KIAA1328: variants seen among roughly 807,000 people sequenced by gnomAD.
KIAA1328 encodes KIAA1328, also known as protein hinderin.
Under a neutral mutation model 68.1 loss-of-function variants are expected in KIAA1328, and 52 were observed. The observed-to-expected ratio is 0.76, with a 90% confidence interval of 0.61 to 0.96. The LOEUF (loss-of-function observed/expected upper bound fraction) is 0.96. Ranked by LOEUF, KIAA1328 falls within the 40% of genes least tolerant of loss-of-function variation. The probability of loss-of-function intolerance (pLI) is 0.00; values close to 1 mark genes in which losing one functional copy is unlikely to be tolerated. For missense variants in KIAA1328, 641 were observed against 677.6 expected, an observed-to-expected ratio of 0.95 and a Z score of 0.60; for synonymous variants, 232 against 239.4, an observed-to-expected ratio of 0.97 and a Z score of 0.28.
chr18:36,905,973 TTA>T (rs2049206626), intron 5 of KIAA1328, among the ~76,000 whole-genome samples: 1 of 152,182 alleles, frequency 6.6e-6, no homozygotes, highest in Non-Finnish European at 1.5e-5. Flanking sequence ...CAGTATAGGT[TTA>T]TAGTGATTTT....
chr18:37,184,257 T>C (rs2059751968), intron 9 of KIAA1328, among the ~76,000 whole-genome samples: 1 of 152,214 alleles, frequency 6.6e-6, no homozygotes, highest in African/African-American at 2.4e-5. Context: ...TTCCTTGTAT[T>C]TTCTCCTATT....
rs199672374 is a variant in KIAA1328 at position 36,840,458 on chromosome 18, ATTTTTT to A, written c.238-3738_238-3733del. On this transcript the variant is annotated intron_variant, in intron 3 of 9. Coordinates refer to ENST00000280020, the MANE Select transcript of KIAA1328 (RefSeq NM_020776.3). ...TTTCCATTGAAGAGCATGTCTTGTG[ATTTTTT>A]TTTTTTTTTTTGACAGAGTCTGGCT... 3.7e-3 allele frequency among the ~76,000 whole-genome samples: 488 copies of A among 133,256 alleles called. 2 individuals carry two copies. The highest frequency in any genetic ancestry group is 0.019 in the Middle Eastern group (5 of 260). The allele number at this position is 133,256 out of a possible 152,430, so 87.4% of individuals were successfully genotyped here. A position where few individuals can be genotyped will look rare whatever the true frequency, so the allele number is the denominator to read the frequency against.
At chr18:36,839,728 G>A (rs2046796209) in intron 3 of KIAA1328, among the ~76,000 whole-genome samples, 1 of 152,164 alleles carries the variant, frequency 6.6e-6, no homozygotes, top group African/African-American at 2.4e-5. Flanking sequence ...AGCTTTTAAA[G>A]GTGGTGCCAG....
intron 6 of KIAA1328, among the ~76,000 whole-genome samples, chr18:36,990,400 C>T (rs1394040366): frequency 6.6e-6 from 1 of 151,874 alleles, no homozygotes; most frequent in Non-Finnish European, 1.5e-5. Context: ...TTGAGCCAGG[C>T]ATGGTGGCTC....
chr18:36,947,740 C>T (rs962762453), intron 5 of KIAA1328, among the ~76,000 whole-genome samples: 2 of 152,124 alleles, frequency 1.3e-5, no homozygotes, highest in African/African-American at 2.4e-5. Flanking sequence ...GGAGGATTCT[C>T]AACATAATGT....
intron 6 of KIAA1328, among the ~76,000 whole-genome samples, chr18:37,062,661 T>G (rs2056197069): frequency 6.6e-6 from 1 of 152,152 alleles, no homozygotes; most frequent in Admixed American, 6.5e-5. Context: ...TTCACCGTGT[T>G]AACCAGGATG....
At chr18:37,033,584 G>A (rs1245699394) in intron 6 of KIAA1328, among the ~76,000 whole-genome samples, 2 of 152,156 alleles carry the variant, frequency 1.3e-5, no homozygotes, top group Admixed American at 1.3e-4. Flanking sequence ...TGACTTCTGG[G>A]AAGTGTTTCA....
chr18:36,976,884 G>A (rs940841370), intron 6 of KIAA1328, among the ~76,000 whole-genome samples: 1 of 152,090 alleles, frequency 6.6e-6, no homozygotes, highest in Non-Finnish European at 1.5e-5. Context: ...GTTGTTATAT[G>A]ATCTCAATCT....
At chr18:37,020,345 ACT>A (rs748176156) in intron 6 of KIAA1328, among the ~76,000 whole-genome samples, 13 of 151,722 alleles carry the variant, frequency 8.6e-5, no homozygotes, top group African/African-American at 3.1e-4. Flanking sequence ...CTGGTCTTGA[ACT>A]CTTGACCTCA....
chr18:37,021,349 T>A (rs76830780), intron 6 of KIAA1328, among the ~76,000 whole-genome samples: 1 of 152,238 alleles, frequency 6.6e-6, no homozygotes, highest in African/African-American at 2.4e-5. Flanking sequence ...ATGTTATTAA[T>A]AGAACACATT....
chr18:37,155,262 A>T (rs529350481), intron 7 of KIAA1328, among the ~76,000 whole-genome samples: 154 of 152,144 alleles, frequency 1.0e-3, no homozygotes, highest in Non-Finnish European at 1.6e-3. Flanking sequence ...TGCCTCCCTC[A>T]ACTCTACCAC....
chr18:36,879,167 G>A (rs2048245066), intron 4 of KIAA1328, among the ~76,000 whole-genome samples: 1 of 151,674 alleles, frequency 6.6e-6, no homozygotes, highest in Admixed American at 6.6e-5. Flanking sequence ...TCTACCTTTG[G>A]TCTTTGATGT....
chr18:37,232,147 T>C (rs1256576168), downstream of KIAA1328: 2 of 152,204 alleles, frequency 1.3e-5, no homozygotes, highest in Admixed American at 1.3e-4. Flanking sequence ...TTTCTTACAT[T>C]GTAATAAATT....
At chr18:37,107,181 G>A (rs965083314) in intron 7 of KIAA1328, among the ~76,000 whole-genome samples, 3 of 152,188 alleles carry the variant, frequency 2.0e-5, no homozygotes, top group African/African-American at 7.2e-5. Flanking sequence ...AGAGGCTGAA[G>A]TGGGCCGGGG....
intron 6 of KIAA1328, among the ~76,000 whole-genome samples, chr18:37,060,013 T>TG (rs2056084614): frequency 9.3e-6 from 1 of 107,460 alleles, no homozygotes; most frequent in South Asian, 2.9e-4. Context: ...TGTTGGGGGA[T>TG]GGGGGGCTAG....
intron 5 of KIAA1328, among the ~76,000 whole-genome samples, chr18:36,911,733 C>T (rs899850085): frequency 2.6e-5 from 4 of 152,118 alleles, no homozygotes; most frequent in Admixed American, 2.6e-4. Context: ...TGAACCTGAT[C>T]AAATTACTTT....
At chr18:37,048,053 T>G (rs921241154) in intron 6 of KIAA1328, among the ~76,000 whole-genome samples, 4 of 152,190 alleles carry the variant, frequency 2.6e-5, no homozygotes, top group African/African-American at 9.6e-5. Context: ...CTATGTACCT[T>G]CCATTTAATA....
chr18:37,099,774 A>G (rs1236505650), intron 7 of KIAA1328, among the ~76,000 whole-genome samples: 1 of 152,128 alleles, frequency 6.6e-6, no homozygotes. Flanking sequence ...TTGGGTGCAT[A>G]TATATTTAGG....
chr18:37,064,555 A>G (rs1362389092), intron 6 of KIAA1328, among the ~76,000 whole-genome samples: 2 of 128,428 alleles, frequency 1.6e-5, no homozygotes, highest in Non-Finnish European at 3.2e-5. Context: ...CCCAAATATG[A>G]CCATGTCTTA....
Sources: allele counts gnomAD v4.1 joint callset (sites outside exome capture counted in the v4.1 genomes callset), GRCh38; gene constraint gnomAD v4.1.1; transcripts MANE v1.5; gene names NCBI Gene and HGNC (gene_info 2026-07-23, HGNC 2026-07-21).